Variants in LRRTM3 observed in about 807,000 individuals in gnomAD.
LRRTM3 encodes the protein leucine rich repeat transmembrane neuronal 3.
LRRTM3 carries 24 observed loss-of-function variants against 44.7 expected under a neutral mutation model. The observed-to-expected ratio is 0.54, with a 90% CI of 0.39 to 0.76. The LOEUF (loss-of-function observed/expected upper bound fraction) is 0.76, where lower values mean the gene tolerates loss of function less well. Among genes scored for constraint, LRRTM3 ranks in the 30% least tolerant of loss-of-function variants. The pLI is 0.00. For synonymous variants in LRRTM3, 277 were observed against 278.7 expected (o/e 0.99, Z 0.06); for missense variants, 587 against 702.2 (o/e 0.84, Z 1.85).
intron 2 of LRRTM3, among the ~76,000 whole-genome samples, chr10:67,038,444 C>G (rs1481317554): frequency 6.6e-6 from 1 of 151,852 alleles, no homozygotes; most frequent in Admixed American, 6.6e-5. Context: ...AAATATATGT[C>G]CATTAATTAG....
At chr10:66,998,351 A>G (rs1851474888) in intron 2 of LRRTM3, among the ~76,000 whole-genome samples, 1 of 152,182 alleles carries the variant, frequency 6.6e-6, no homozygotes. Context: ...ATATTTTTTA[A>G]AGCACAAGAA....
chr10:67,087,242 G>A (rs1857357490), intron 2 of LRRTM3, among the ~76,000 whole-genome samples: 1 of 152,126 alleles, frequency 6.6e-6, no homozygotes. Flanking sequence ...TAAAACAGAG[G>A]TTAACACAGA....
chr10:66,977,568 C>T (rs907888172), intron 2 of LRRTM3, among the ~76,000 whole-genome samples: 2 of 152,134 alleles, frequency 1.3e-5, no homozygotes, highest in East Asian at 3.8e-4. Flanking sequence ...TTCACTGTCA[C>T]GTGTAAAATA....
chr10:67,069,715 A>T, intron 2 of LRRTM3, among the ~76,000 whole-genome samples: 1 of 152,096 alleles, frequency 6.6e-6, no homozygotes, highest in Non-Finnish European at 1.5e-5. Context: ...CTCACTCAAC[A>T]TTATGTTTAT....
intron 2 of LRRTM3, among the ~76,000 whole-genome samples, chr10:67,010,796 A>G (rs1239079215): frequency 6.6e-6 from 1 of 152,216 alleles, no homozygotes; most frequent in African/African-American, 2.4e-5. Flanking sequence ...ATTTGAGCAT[A>G]TCCATATTTG....
intron 2 of LRRTM3, among the ~76,000 whole-genome samples, chr10:66,971,566 G>A (rs1468645616): frequency 6.6e-6 from 1 of 152,174 alleles, no homozygotes; most frequent in Non-Finnish European, 1.5e-5. Flanking sequence ...AACCAGGAGT[G>A]TAATTCACTC....
intron 2 of LRRTM3, among the ~76,000 whole-genome samples, chr10:66,937,833 T>C (rs1453456267): frequency 1.3e-5 from 2 of 152,172 alleles, no homozygotes; most frequent in African/African-American, 2.4e-5. Flanking sequence ...TTTTCCAGAA[T>C]AGATCAAATT....
At chr10:67,083,895 T>A (rs1041846688) in intron 2 of LRRTM3, among the ~76,000 whole-genome samples, 1 of 152,010 alleles carries the variant, frequency 6.6e-6, no homozygotes, top group African/African-American at 2.4e-5. Flanking sequence ...TAAAAGCACA[T>A]GAAAAGAATA....
chr10:67,072,287 A>T (rs2723390), intron 2 of LRRTM3, among the ~76,000 whole-genome samples: 88,507 of 152,142 alleles, frequency 0.58, 26,123 homozygotes, highest in Middle Eastern at 0.7. Context: ...CCACTTCTCC[A>T]ATCGAATTTT....
intron 2 of LRRTM3, among the ~76,000 whole-genome samples, chr10:67,045,675 C>G (rs1854691061): frequency 6.6e-6 from 1 of 152,172 alleles, no homozygotes; most frequent in African/African-American, 2.4e-5. Flanking sequence ...AGTCCTGGCG[C>G]GGGATGGGGC....
intron 2 of LRRTM3, among the ~76,000 whole-genome samples, chr10:67,038,438 A>T (rs1854197581): frequency 6.6e-6 from 1 of 152,118 alleles, no homozygotes; most frequent in South Asian, 2.1e-4. Context: ...AGATGAAAAT[A>T]TATGTCCATT....
chr10:66,977,959 G>A (rs986189016), intron 2 of LRRTM3, among the ~76,000 whole-genome samples: 1 of 151,936 alleles, frequency 6.6e-6, no homozygotes, highest in Non-Finnish European at 1.5e-5. Flanking sequence ...ATGACACTTA[G>A]TCAAACTTTT....
chr10:67,068,911 T>A (rs895875744), intron 2 of LRRTM3, among the ~76,000 whole-genome samples: 5 of 151,958 alleles, frequency 3.3e-5, no homozygotes, highest in Non-Finnish European at 7.4e-5. Context: ...AATACAGAAA[T>A]TAGCTGGGCC....
intron 2 of LRRTM3, among the ~76,000 whole-genome samples, chr10:67,096,171 G>A (rs1322926971): frequency 6.6e-6 from 1 of 151,568 alleles, no homozygotes; most frequent in African/African-American, 2.4e-5. Context: ...CATATTATAA[G>A]CAAATAATCT....
At chr10:66,962,669 C>T (rs1849182732) in intron 2 of LRRTM3, among the ~76,000 whole-genome samples, 1 of 152,012 alleles carries the variant, frequency 6.6e-6, no homozygotes, top group Admixed American at 6.6e-5. Flanking sequence ...CCCCAGCCTC[C>T]CAAAGTGCTG....
chr10:66,987,951 T>C (rs1312336298), intron 2 of LRRTM3, among the ~76,000 whole-genome samples: 1 of 152,182 alleles, frequency 6.6e-6, no homozygotes, highest in East Asian at 1.9e-4. Context: ...AAAACATTTC[T>C]ATCATAACAA....
At chr10:67,086,689 A>G (rs1018463623) in intron 2 of LRRTM3, among the ~76,000 whole-genome samples, 7 of 152,152 alleles carry the variant, frequency 4.6e-5, no homozygotes, top group Admixed American at 1.3e-4. Context: ...ATAAATGCCA[A>G]TGTTCAGGGA....
chr10:66,933,104 A>C (rs545530155), intron 2 of LRRTM3, among the ~76,000 whole-genome samples: 5 of 152,220 alleles, frequency 3.3e-5, no homozygotes, highest in Non-Finnish European at 5.9e-5. Context: ...TCTTTTCAAA[A>C]AGCCCTTAGT....
chr10:67,002,205 T>C (rs923204591), intron 2 of LRRTM3, among the ~76,000 whole-genome samples: 1 of 152,196 alleles, frequency 6.6e-6, no homozygotes, highest in Admixed American at 6.5e-5. Flanking sequence ...CAGAGTCGAA[T>C]GGGAAGCTTT....
Sources: gnomAD v4.1 joint callset for allele counts (sites outside exome capture counted in the v4.1 genomes callset) on GRCh38, gnomAD v4.1.1 for gene constraint, MANE v1.5 for transcripts, NCBI Gene and HGNC (gene_info 2026-07-23, HGNC 2026-07-21) for gene names.